GFRA1: variants seen among roughly 807,000 people sequenced by gnomAD.
GFRA1 encodes GDNF family receptor alpha 1.
In GFRA1, 16 loss-of-function variants were observed where a neutral mutation model predicts 51.6. The ratio of observed to expected loss-of-function variants is 0.31; its 90% confidence interval spans 0.21 to 0.47. The LOEUF (loss-of-function observed/expected upper bound fraction) is 0.47. Ranked by LOEUF, GFRA1 falls within the 20% of genes least tolerant of loss-of-function variation. The pLI, the probability that GFRA1 is intolerant of heterozygous loss-of-function variation, is 1.00. For missense variants in GFRA1, 530 were observed against 594.3 expected (o/e 0.89, Z 1.13); for synonymous variants, 270 against 241.3 (o/e 1.12, Z -1.10).
At position 116,270,973 on chromosome 10, in the gene GFRA1, G is replaced by C; in HGVS notation, c.183C>G (p.Ser61Arg). The change falls in exon 3 of 11, where the codon AGC becomes AGG. Residue 61 changes from serine to arginine, a missense_variant. Coordinates refer to ENST00000355422, the MANE Select transcript of GFRA1 (RefSeq NM_005264.8). ...CCTTGGCCTCCAGGCCGGATGCCAG[G>C]CTGAAGTTGGTCTCCTTGCCCGCCA... ...QCVAGKETNF[S>R]LASGLEAKDE... 1 of 1,614,230 alleles carries C rather than the reference G, an allele frequency of 6.2e-7. No individual in the cohort carries two copies. The highest frequency in any genetic ancestry group is 1.1e-5 in the South Asian group (1 of 91,088).
chr10:116,199,733 G>A (rs752858879), intron 5 of GFRA1, among the ~76,000 whole-genome samples: 1 of 152,158 alleles, frequency 6.6e-6, no homozygotes, highest in Non-Finnish European at 1.5e-5. Flanking sequence ...CTTTTAGAGT[G>A]AAATTTACAT....
chr10:116,209,868 T>C (rs1965054901), intron 5 of GFRA1, among the ~76,000 whole-genome samples: 1 of 152,064 alleles, frequency 6.6e-6, no homozygotes, highest in South Asian at 2.1e-4. Context: ...TGTGTCTCCA[T>C]ACGAAATGGT....
chr10:116,146,261 T>C (rs1416694989), intron 5 of GFRA1, among the ~76,000 whole-genome samples: 2 of 152,180 alleles, frequency 1.3e-5, no homozygotes, highest in East Asian at 3.9e-4. Flanking sequence ...GGGGACTCTC[T>C]TTAAGAAAAA....
intron 5 of GFRA1, among the ~76,000 whole-genome samples, chr10:116,173,608 G>T (rs1420335812): frequency 6.6e-6 from 1 of 152,160 alleles, no homozygotes; most frequent in African/African-American, 2.4e-5. Context: ...GCACAAGATA[G>T]GACTATAACT....
At chr10:116,143,897 C>T (rs1022327997) in intron 5 of GFRA1, among the ~76,000 whole-genome samples, 6 of 152,166 alleles carry the variant, frequency 3.9e-5, no homozygotes, top group East Asian at 3.9e-4. Context: ...CAAGTGTTGA[C>T]GGCTTTGCTA....
At chr10:116,253,224 G>A (rs74158416) in intron 4 of GFRA1, among the ~76,000 whole-genome samples, 26 of 152,332 alleles carry the variant, frequency 1.7e-4, no homozygotes, top group African/African-American at 6.3e-4. Context: ...AGAACTGGAG[G>A]TCATGGACAC....
chr10:116,255,764 T>C (rs966680452), intron 4 of GFRA1: 8 of 1,286,228 alleles, frequency 6.2e-6, no homozygotes, highest in Non-Finnish European at 8.1e-6. Context: ...CTGCACTTTC[T>C]GGCCCACCAC....
chr10:116,209,769 C>T (rs369200345), intron 5 of GFRA1, among the ~76,000 whole-genome samples: 12 of 151,898 alleles, frequency 7.9e-5, no homozygotes, highest in South Asian at 2.1e-4. Flanking sequence ...GAACATTTTA[C>T]GGAGCAATAT....
intron 4 of GFRA1, among the ~76,000 whole-genome samples, chr10:116,245,110 AATT>A (rs1019947908): frequency 1.3e-5 from 2 of 152,232 alleles, no homozygotes; most frequent in African/African-American, 2.4e-5. Flanking sequence ...CCAAGTAAAT[AATT>A]ATTCAAGAAT....
intron 6 of GFRA1, among the ~76,000 whole-genome samples, chr10:116,109,868 G>A (rs74158589): frequency 1.3e-3 from 193 of 152,222 alleles, no homozygotes; most frequent in African/African-American, 4.3e-3. Context: ...GCCCTGCAGG[G>A]GTGTCTGGTC....
At chr10:116,114,903 A>G (rs1957351907) in intron 6 of GFRA1, among the ~76,000 whole-genome samples, 1 of 152,168 alleles carries the variant, frequency 6.6e-6, no homozygotes, top group East Asian at 1.9e-4. Flanking sequence ...CATCCCTGTG[A>G]AGATGGAGTC....
chr10:116,210,277 A>G (rs998164751), intron 5 of GFRA1, among the ~76,000 whole-genome samples: 48 of 152,136 alleles, frequency 3.2e-4, no homozygotes, highest in Non-Finnish European at 1.5e-4. Flanking sequence ...CTCAACACAC[A>G]TGTTCCAGAA....
chr10:116,261,356 C>T (rs1050019975), intron 4 of GFRA1, among the ~76,000 whole-genome samples: 23 of 152,190 alleles, frequency 1.5e-4, no homozygotes, highest in African/African-American at 5.3e-4. Flanking sequence ...GACCTCCAAA[C>T]ATCCTACTGC....
intron 6 of GFRA1, among the ~76,000 whole-genome samples, chr10:116,118,667 T>A (rs3781518): frequency 0.5 from 75,904 of 151,994 alleles, 20,253 homozygotes; most frequent in Admixed American, 0.63. Flanking sequence ...TCCATCCGCA[T>A]TCACACTCGA....
chr10:116,113,796 C>T (rs558393431), intron 6 of GFRA1, among the ~76,000 whole-genome samples: 1 of 152,300 alleles, frequency 6.6e-6, no homozygotes, highest in East Asian at 1.9e-4. Context: ...AAGATCTCAC[C>T]TCCTCATCCA....
At chr10:116,153,982 A>G (rs912663322) in intron 5 of GFRA1, among the ~76,000 whole-genome samples, 2 of 152,222 alleles carry the variant, frequency 1.3e-5, no homozygotes. Context: ...TGGGCAAAGA[A>G]ACATGCAGAA....
chr10:116,273,267 G>C (rs1171063262), upstream of GFRA1: 1 of 151,074 alleles, frequency 6.6e-6, no homozygotes, highest in African/African-American at 2.4e-5. Context: ...TTCCCTTTCC[G>C]GGCTCACTTT....
chr10:116,202,916 A>G (rs541506995), intron 5 of GFRA1, among the ~76,000 whole-genome samples: 86 of 152,254 alleles, frequency 5.6e-4, no homozygotes, highest in African/African-American at 1.8e-3. Flanking sequence ...GGTGCTGAAA[A>G]GAGGTAAAAG....
At chr10:116,244,612 T>C (rs1255254248) in intron 4 of GFRA1, among the ~76,000 whole-genome samples, 1 of 151,392 alleles carries the variant, frequency 6.6e-6, no homozygotes, top group Non-Finnish European at 1.5e-5. Context: ...CAACAAAACA[T>C]AGAAGGAGAG....
Sources: gnomAD v4.1 joint callset for allele counts (sites outside exome capture counted in the v4.1 genomes callset) on GRCh38, gnomAD v4.1.1 for gene constraint, MANE v1.5 for transcripts, NCBI Gene and HGNC (gene_info 2026-07-23, HGNC 2026-07-21) for gene names.